Variants in BMX observed in about 807,000 individuals in gnomAD.
BMX encodes the protein BMX non-receptor tyrosine kinase, also known as cytoplasmic tyrosine-protein kinase BMX.
BMX carries 31 observed loss-of-function variants against 59.2 expected under a neutral mutation model. That is an observed-to-expected ratio of 0.52 (90% CI 0.39 to 0.71). The LOEUF (loss-of-function observed/expected upper bound fraction) is 0.71, where lower values mean the gene tolerates loss of function less well. BMX is among the 30% of genes least tolerant of loss of function. The pLI is 0.00. For synonymous variants in BMX, 185 were observed against 181.0 expected (o/e 1.02, Z -0.18); for missense variants, 474 against 491.7 (o/e 0.96, Z 0.34).
At chrX:15,502,888 T>C (rs1028613674) in intron 1 of BMX, among the ~76,000 whole-genome samples, 5 of 111,645 alleles carry the variant, frequency 4.5e-5, no homozygotes, top group Admixed American at 3.8e-4. Context: ...CCAGTTTCCC[T>C]TCCAGATCCC....
At chrX:15,518,797 G>A (rs745309845) in intron 6 of BMX, among the ~76,000 whole-genome samples, 4 of 111,207 alleles carry the variant, frequency 3.6e-5, no homozygotes, top group South Asian at 3.8e-4. Flanking sequence ...TGGTGGTATC[G>A]GAGTGAGTTT....
At chrX:15,553,033 G>A (rs1926268299) in intron 18 of BMX, among the ~76,000 whole-genome samples, 1 of 112,231 alleles carries the variant, frequency 8.9e-6, no homozygotes, top group Non-Finnish European at 1.9e-5. Flanking sequence ...GGTATCTTAG[G>A]TGCGTTACTC....
chrX:15,508,960 A>G (rs1923844217), intron 2 of BMX, among the ~76,000 whole-genome samples: 1 of 112,301 alleles, frequency 8.9e-6, no homozygotes, highest in Admixed American at 9.4e-5. Flanking sequence ...CTATTCCTGT[A>G]CAGTTGAGAA....
At chrX:15,517,164 A>G (rs1434877084) in intron 5 of BMX, among the ~76,000 whole-genome samples, 1 of 111,956 alleles carries the variant, frequency 8.9e-6, no homozygotes, top group Non-Finnish European at 1.9e-5. Flanking sequence ...ATAAATATTC[A>G]TTGTGTTTTC....
At chrX:15,519,467 AG>A (rs1411447270) in intron 6 of BMX, among the ~76,000 whole-genome samples, 12 of 111,609 alleles carry the variant, frequency 1.1e-4, no homozygotes, top group African/African-American at 3.6e-4. Flanking sequence ...ATCACACGAA[AG>A]ATGAGAGTGG....
chrX:15,543,149 G>T lies in BMX; in HGVS notation c.1676+14G>T. On this transcript the variant is annotated intron_variant, in intron 16 of 18. Transcript: ENST00000348343. ...TGGAATGACAAGGTAAGCCAATTCC[G>T]AAAGGGCAACCAGTGAAAGGGGGAT... 8.4e-7 allele frequency: 1 copy of T among 1,196,142 alleles called. No homozygotes were observed. Among genetic ancestry groups the T allele is most frequent in the Non-Finnish European group, 1.1e-6 (1 of 883,140 alleles).
chrX:15,549,801 C>G (rs776623840), intron 17 of BMX, 39 bp from the exon 18 acceptor site: 1 of 1,177,896 alleles, frequency 8.5e-7, no homozygotes, highest in African/African-American at 1.8e-5. Context: ...TAACAGCTCT[C>G]TTCCTTTTTT....
intron 12 of BMX, among the ~76,000 whole-genome samples, chrX:15,534,966 G>A (rs918824346): frequency 9.0e-6 from 1 of 111,354 alleles, no homozygotes. Context: ...GTTGGATCAT[G>A]TCCAGTATTT....
intron 14 of BMX, among the ~76,000 whole-genome samples, chrX:15,541,522 T>G (rs909020247): frequency 8.0e-5 from 9 of 112,279 alleles, no homozygotes; most frequent in African/African-American, 2.6e-4. Flanking sequence ...AAACCTCATC[T>G]GACTTCATTT....
chrX:15,526,282 G>A (rs1924721226), intron 9 of BMX, among the ~76,000 whole-genome samples, 187 bp downstream of exon 9: 1 of 112,188 alleles, frequency 8.9e-6, no homozygotes. Flanking sequence ...TGTTACCAAC[G>A]AAAATATTTT....
chrX:15,524,253 T>C (rs1224755632), intron 7 of BMX, among the ~76,000 whole-genome samples: 1 of 112,619 alleles, frequency 8.9e-6, no homozygotes, highest in Non-Finnish European at 1.9e-5. Flanking sequence ...TTGTCATTTG[T>C]TCTTTTCACT....
intron 4 of BMX, among the ~76,000 whole-genome samples, chrX:15,514,358 A>G (rs1056208756): frequency 5.3e-5 from 6 of 112,193 alleles, no homozygotes; most frequent in Non-Finnish European, 1.1e-4. Context: ...GATATCACTA[A>G]AGCCCACTGT....
At chrX:15,538,642 C>T (rs1317364571) in intron 14 of BMX, among the ~76,000 whole-genome samples, 5 of 111,579 alleles carry the variant, frequency 4.5e-5, no homozygotes, top group Non-Finnish European at 7.5e-5. Context: ...TACAGGAAAC[C>T]GAAGCACAGA....
intron 16 of BMX, among the ~76,000 whole-genome samples, chrX:15,545,058 A>G (rs1925882109): frequency 9.0e-6 from 1 of 111,524 alleles, no homozygotes; most frequent in South Asian, 3.7e-4. Flanking sequence ...GTTCTCTTTT[A>G]TTAATACTAT....
intron 1 of BMX, among the ~76,000 whole-genome samples, chrX:15,502,110 T>C (rs1293114645): frequency 8.9e-6 from 1 of 111,811 alleles, no homozygotes; most frequent in Non-Finnish European, 1.9e-5. Flanking sequence ...TCTTGACTAC[T>C]TGTAACCCTT....
intron 17 of BMX, among the ~76,000 whole-genome samples, chrX:15,548,194 T>C (rs945536710): frequency 8.9e-6 from 1 of 112,064 alleles, no homozygotes; most frequent in Non-Finnish European, 1.9e-5. Context: ...CGGTGGCTCA[T>C]GCCTGTAATC....
chrX:15,553,087 A>G (rs1285245335), intron 18 of BMX, among the ~76,000 whole-genome samples: 2 of 112,410 alleles, frequency 1.8e-5, no homozygotes, highest in Non-Finnish European at 3.8e-5. Context: ...CTCATGGTGC[A>G]TTGAAAAGAA....
intron 4 of BMX, among the ~76,000 whole-genome samples, chrX:15,514,524 T>C (rs1024547380): frequency 9.0e-6 from 1 of 111,462 alleles, no homozygotes; most frequent in Non-Finnish European, 1.9e-5. Flanking sequence ...GGGATCAACA[T>C]AAGGAAATCT....
At chrX:15,500,967 C>G (rs1923550770) in intron 1 of BMX, 27 bp downstream of exon 1, 1 of 752,569 alleles carries the variant, frequency 1.3e-6, no homozygotes, top group African/African-American at 2.3e-5. Context: ...GGTGGCTACT[C>G]AGTGTCGCAT....
Sources: gnomAD v4.1 joint callset for allele counts (sites outside exome capture counted in the v4.1 genomes callset) on GRCh38, gnomAD v4.1.1 for gene constraint, MANE v1.5 for transcripts, NCBI Gene and HGNC (gene_info 2026-07-23, HGNC 2026-07-21) for gene names.